Variants in CCDC163 observed in about 807,000 individuals in gnomAD.
The protein encoded by CCDC163 is transmembrane protein CCDC163.
In CCDC163, 13 loss-of-function variants were observed where a neutral mutation model predicts 8.2. The observed-to-expected ratio is 1.59, with a 90% CI of 1.04 to 2.54. The LOEUF (loss-of-function observed/expected upper bound fraction) is 2.54, where lower values mean the gene tolerates loss of function less well. Among genes scored for constraint, CCDC163 ranks in the 30% most tolerant of loss-of-function variants. The pLI is 0.00. For missense variants in CCDC163, 117 were observed against 78.6 expected, an observed-to-expected ratio of 1.49 and a Z score of -1.85; for synonymous variants, 41 against 30.9, an observed-to-expected ratio of 1.33 and a Z score of -1.08.
At chr1:45,495,189 A>G in intron 4 of CCDC163, 23 bp from the exon 5 acceptor site, 1 of 780,892 alleles carries the variant, frequency 1.3e-6, no homozygotes, top group Non-Finnish European at 2.4e-6. Context: ...AAAAGGGAAG[A>G]GAAAACAAGT....
At chr1:45,497,930 G>A (rs1172926542) in intron 2 of CCDC163, among the ~76,000 whole-genome samples, 16 of 147,966 alleles carry the variant, frequency 1.1e-4, no homozygotes, top group Non-Finnish European at 1.5e-5. Context: ...CGGCTTTGTG[G>A]AATAGAAAGG....
intron 2 of CCDC163, among the ~76,000 whole-genome samples, chr1:45,497,676 G>T (rs1292819996): frequency 1.4e-4 from 10 of 71,874 alleles, no homozygotes; most frequent in Admixed American, 3.7e-4. Flanking sequence ...GAGCGTCTCC[G>T]CCCGGCAGCC....
rs1225696286 is a variant in CCDC163, at chr1:45,495,150, G to A, written c.347C>T (p.Pro116Leu). The change falls in exon 5 of 5, where the codon CCC (proline) becomes CTC (leucine). Residue 116 changes from proline to leucine, a missense_variant. Transcript: ENST00000629482. The part of the protein sequence containing the change: ...VGSWKIPRGA[P>L]FLTWSPASFS... ...AGATGCTGGGCTCCAGGTTAGAAAG[G>A]GTGCTCCTCTGGGGATCTAAGAGGA... 1.3e-6 allele frequency: 1 copy of A among 780,818 alleles called. No individual in the cohort carries two copies. Among genetic ancestry groups the A allele is most frequent in the East Asian group, 2.4e-5 (1 of 41,244 alleles). 48.4% of individuals were successfully genotyped at this position (780,818 alleles called of 1,614,324 possible).
At chr1:45,495,297 G>A in intron 4 of CCDC163, 131 bp from the exon 5 acceptor site, 2 of 711,234 alleles carry the variant, frequency 2.8e-6, no homozygotes, top group Non-Finnish European at 5.2e-6. Flanking sequence ...ACAGAGGTCA[G>A]TGAGTTCACA....
intron 2 of CCDC163, among the ~76,000 whole-genome samples, chr1:45,497,871 T>C (rs1570806458): frequency 6.8e-6 from 1 of 146,348 alleles, no homozygotes; most frequent in East Asian, 2.1e-4. Context: ...CCACCCCGTC[T>C]GGGAGGTGTG....
rs1483573714 is a variant in CCDC163, at chr1:45,499,640, G to C, written c.-31C>G. 6 of 737,734 alleles carry C rather than the reference G, an allele frequency of 8.1e-6. No homozygotes were observed. The highest frequency in any genetic ancestry group is 1.5e-5 in the Non-Finnish European group (6 of 396,326). The allele number at this position is 737,734 out of a possible 1,614,324, so 45.7% of individuals were successfully genotyped here. On this transcript the variant is annotated 5_prime_UTR_variant, in exon 1 of 5. Transcript: ENST00000629482. ...GTGGCAGGGGAGCGGCAGGGGTCTGGCTCCCTGGTGTCTTGTGCTTGCTCT... is the reference window on the plus strand; with the variant it reads ...GTGGCAGGGGAGCGGCAGGGGTCTGCCTCCCTGGTGTCTTGTGCTTGCTCT...
chr1:45,495,670 T>A, intron 4 of CCDC163: 1 of 361,822 alleles, frequency 2.8e-6, no homozygotes. Context: ...TTTTTTTTTT[T>A]TTTTTTTTTT....
intron 2 of CCDC163, among the ~76,000 whole-genome samples, chr1:45,497,706 TGG>T (rs1643368258): frequency 2.1e-4 from 3 of 14,180 alleles, no homozygotes; most frequent in African/African-American, 6.4e-4. Context: ...GGGAGGGAGG[TGG>T]AGGGGGTCAG....
rs1290656564 is a variant in CCDC163, at chr1:45,494,860, C to T, written c.*199G>A. 2 of 574,802 alleles carry T rather than the reference C, an allele frequency of 3.5e-6. No individual in the cohort carries two copies. Among genetic ancestry groups the T allele is most frequent in the Non-Finnish European group, 6.2e-6 (2 of 321,578 alleles). The allele number at this position is 574,802 out of a possible 1,614,324, so 35.6% of individuals were successfully genotyped here. On this transcript the variant is annotated 3_prime_UTR_variant, in exon 5 of 5. Coordinates refer to ENST00000629482, the MANE Select transcript of CCDC163 (RefSeq NM_001102601.3). Reference sequence around the variant, plus strand: ...TTGGGAGGCTGAGGCAGGACAATTGCTTGAACCTGGGAGGCGGAGGTTGCA... The same window carrying T: ...TTGGGAGGCTGAGGCAGGACAATTGTTTGAACCTGGGAGGCGGAGGTTGCA...
rs1485499812 is a variant in CCDC163 at position 45,499,593 on chromosome 1, C to G, written c.17G>C (p.Ser6Thr). 2.6e-6 allele frequency: 2 copies of G among 773,614 alleles called. No homozygotes were observed. Among genetic ancestry groups the G allele is most frequent in the South Asian group, 2.7e-5 (2 of 73,138 alleles). The allele number at this position is 773,614 out of a possible 1,614,324, so 47.9% of individuals were successfully genotyped here. A position where few individuals can be genotyped will look rare whatever the true frequency, so the allele number is the denominator to read the frequency against. ...AAGCACATCCAGCTGCTCAAACCAG[C>G]TGAGGCTCGTATTCATATCCTGTGG... MNTSL[S>T]WFEQLDVLLN... The change falls in exon 1 of 5, where the codon AGC (serine) becomes ACC (threonine). Residue 6 changes from serine (S) to threonine (T), a missense_variant. Physicochemically the swap from Ser to Thr is moderately conservative, Grantham distance 58 (BLOSUM62 1). Transcript: ENST00000629482.
At chr1:45,495,720 G>A (rs1654062881) in intron 4 of CCDC163, among the ~76,000 whole-genome samples, 1 of 139,080 alleles carries the variant, frequency 7.2e-6, no homozygotes. Flanking sequence ...AAGCTGGAGT[G>A]CAACGGCATG....
intron 4 of CCDC163, chr1:45,495,400 C>A (rs1289239381): frequency 4.3e-6 from 3 of 702,882 alleles, no homozygotes; most frequent in Non-Finnish European, 2.6e-6. Flanking sequence ...AAACGGGAAT[C>A]CTTGTCCTTA....
Position 45,495,009 on chromosome 1 carries a change from G to A in CCDC163, c.*50C>T, listed in dbSNP as rs772955257. Reference sequence around the variant, plus strand: ...GAAACAGGGCCTTGGAGGGGAGGGTGGGCAAAGAAGCCTTCATCCTACTAT... The same window carrying A: ...GAAACAGGGCCTTGGAGGGGAGGGTAGGCAAAGAAGCCTTCATCCTACTAT... On this transcript the variant is annotated 3_prime_UTR_variant, in exon 5 of 5. Transcript: ENST00000629482. The A allele has an allele frequency of 1.3e-6, 1 of 779,734 alleles. No homozygotes were observed. The highest frequency in any genetic ancestry group is 2.4e-6 in the Non-Finnish European group (1 of 417,458). 48.3% of individuals were successfully genotyped at this position (779,734 alleles called of 1,614,324 possible).
intron 4 of CCDC163, chr1:45,495,653 C>CTT: frequency 1.7e-6 from 1 of 572,758 alleles, no homozygotes; most frequent in Non-Finnish European, 3.1e-6. Context: ...GGTCTCCTCC[C>CTT]TCTTTTTTTT....
chr1:45,496,245 C>T, intron 4 of CCDC163: 1 of 438,594 alleles, frequency 2.3e-6, no homozygotes, highest in South Asian at 2.0e-5. Flanking sequence ...TTCCTGGCCA[C>T]TTTGCAACTG....
chr1:45,498,967 A>G (rs1643452685), intron 2 of CCDC163, among the ~76,000 whole-genome samples: 1 of 152,206 alleles, frequency 6.6e-6, no homozygotes, highest in South Asian at 2.1e-4. Context: ...CAAACATCAC[A>G]TATACACACC....
intron 2 of CCDC163, chr1:45,498,394 CAAAAAAAAAAAA>C (rs779532347): frequency 9.6e-6 from 1 of 104,298 alleles, no homozygotes; most frequent in African/African-American, 3.4e-5. Flanking sequence ...AAAACAAACC[CAAAAAAAAAAAA>C]AAAAAAAAAG....
chr1:45,497,702 G>A (rs1362687772), intron 2 of CCDC163, among the ~76,000 whole-genome samples: 3 of 37,568 alleles, frequency 8.0e-5, no homozygotes, highest in South Asian at 8.2e-4. Flanking sequence ...GTCCGGGAGG[G>A]AGGTGGAGGG....
At chr1:45,495,401 C>T (rs893184399) in intron 4 of CCDC163, 1 of 702,876 alleles carries the variant, frequency 1.4e-6, no homozygotes, top group African/African-American at 1.7e-5. Flanking sequence ...AACGGGAATC[C>T]TTGTCCTTAT....
Sources: allele counts gnomAD v4.1 joint callset (sites outside exome capture counted in the v4.1 genomes callset), GRCh38; gene constraint gnomAD v4.1.1; transcripts MANE v1.5; gene names NCBI Gene and HGNC (gene_info 2026-07-23, HGNC 2026-07-21).